ADGRF4: variants seen among roughly 807,000 people sequenced by gnomAD.
ADGRF4 encodes adhesion G protein-coupled receptor F4.
A neutral mutation model predicts 58.5 loss-of-function variants in ADGRF4; 63 were observed. The observed-to-expected ratio is 1.08, with a 90% CI of 0.88 to 1.33. The LOEUF (loss-of-function observed/expected upper bound fraction) is 1.33, where lower values mean the gene tolerates loss of function less well. ADGRF4 is among the 40% of genes most tolerant of loss of function. The probability of loss-of-function intolerance (pLI) is 0.00; values close to 1 mark genes in which losing one functional copy is unlikely to be tolerated. For synonymous variants in ADGRF4, 313 were observed against 295.4 expected, an observed-to-expected ratio of 1.06 and a Z score of -0.61; for missense variants, 931 against 843.9, an observed-to-expected ratio of 1.10 and a Z score of -1.28.
rs548771897 is a variant in ADGRF4, at chr6:47,711,010, A to G, written c.300+124A>G. On this transcript the variant is annotated intron_variant, in intron 4 of 9. Transcript: ENST00000283303. ...ATCCGCACTTAGAAAAATCTACAGA[A>G]TGGGTTAAATTTGTTTCTTGACCTT... 2.7e-5 allele frequency: 24 copies of G among 886,160 alleles called. No individual in the cohort carries two copies. In the African/African-American group the frequency reaches 3.0e-4, roughly 11 times the overall value. The allele number at this position is 886,160 out of a possible 1,614,324, so 54.9% of individuals were successfully genotyped here. A position where few individuals can be genotyped will look rare whatever the true frequency, so the allele number is the denominator to read the frequency against.
intron 4 of ADGRF4, among the ~76,000 whole-genome samples, chr6:47,711,665 A>G (rs1330970558): frequency 6.6e-6 from 1 of 152,190 alleles, no homozygotes; most frequent in Non-Finnish European, 1.5e-5. Context: ...ATCCAGTTAA[A>G]GTTAAAATCT....
intron 3 of ADGRF4, among the ~76,000 whole-genome samples, chr6:47,709,333 G>A (rs1771802832): frequency 6.6e-6 from 1 of 152,194 alleles, no homozygotes; most frequent in South Asian, 2.1e-4. Context: ...ACTAGTTTTG[G>A]TAAATAAAGT....
chr6:47,715,317 CTGTATTGAT>C lies in ADGRF4; in HGVS notation c.1932+144_1932+152del, dbSNP rs1277713937. The C allele has an allele frequency of 1.0e-5, 7 of 679,086 alleles. No individual in the cohort carries two copies. In the African/African-American group the frequency reaches 1.1e-4, roughly 10 times the overall value. The allele number at this position is 679,086 out of a possible 1,614,324, so 42.1% of individuals were successfully genotyped here. ...GGTTATTTGGCTATGGCATCTGTGACTGTATTGATTGTCAAGTTGAATTTAGCTGACCAG... is the reference window on the plus strand; with the variant it reads ...GGTTATTTGGCTATGGCATCTGTGACTGTCAAGTTGAATTTAGCTGACCAG... On this transcript the variant is annotated intron_variant, in intron 6 of 9. Coordinates refer to ENST00000283303, the MANE Select transcript of ADGRF4 (RefSeq NM_153838.5).
chr6:47,709,627 T>A (rs1054716553), intron 3 of ADGRF4, among the ~76,000 whole-genome samples: 2 of 152,250 alleles, frequency 1.3e-5, no homozygotes, highest in Non-Finnish European at 2.9e-5. Context: ...ATTTGCAGAT[T>A]CTATATTTGC....
chr6:47,718,273 T>A lies in ADGRF4; in HGVS notation c.2035-116T>A, dbSNP rs565739471. 8.3e-6 allele frequency: 6 copies of A among 719,268 alleles called. No individual in the cohort carries two copies. In the East Asian group the frequency reaches 1.2e-4, roughly 15 times the overall value. 44.6% of individuals were successfully genotyped at this position (719,268 alleles called of 1,614,324 possible). A position where few individuals can be genotyped will look rare whatever the true frequency, so the allele number is the denominator to read the frequency against. Reference sequence around the variant, plus strand: ...GATAATTTACTTCTGTGTAGCTATATCAGTGTGGGTACTCCTTTTCATGTA... The same window carrying A: ...GATAATTTACTTCTGTGTAGCTATAACAGTGTGGGTACTCCTTTTCATGTA... On this transcript the variant is annotated intron_variant, in intron 8 of 9. Coordinates refer to ENST00000283303, the MANE Select transcript of ADGRF4 (RefSeq NM_153838.5).
At chr6:47,700,559 G>A (rs1771567685) in intron 1 of ADGRF4, among the ~76,000 whole-genome samples, 1 of 152,206 alleles carries the variant, frequency 6.6e-6, no homozygotes, top group African/African-American at 2.4e-5. Context: ...GAGACAGTGT[G>A]GAAAAAGACA....
At chr6:47,704,564 T>A (rs1002059201) in intron 1 of ADGRF4, among the ~76,000 whole-genome samples, 1 of 151,954 alleles carries the variant, frequency 6.6e-6, no homozygotes. Flanking sequence ...ATCACTTTAA[T>A]GAGAGAAGTG....
Position 47,714,043 on chromosome 6 carries a change from A to C in ADGRF4, c.798A>C (p.Thr266=), listed in dbSNP as rs759581925. The C allele has an allele frequency of 1.2e-6, 2 of 1,613,220 alleles. No homozygotes were observed. Among genetic ancestry groups the C allele is most frequent in the South Asian group, 1.1e-5 (1 of 90,780 alleles). The stretch of plus-strand genomic sequence containing the variant: ...TCTCCATGAGCATGAACAATACCAC[A>C]GAAGATATCTTAGGAATGGTACAGA... The part of the protein sequence containing the change: ...LNFSMSMNNT[T]EDILGMVQIP... Residue 266 remains threonine, a synonymous_variant, in exon 6 of 10, where the codon ACA becomes ACC. Coordinates refer to ENST00000283303, the MANE Select transcript of ADGRF4 (RefSeq NM_153838.5).
intron 3 of ADGRF4, among the ~76,000 whole-genome samples, chr6:47,708,957 A>C (rs1001692155): frequency 6.6e-6 from 1 of 151,434 alleles, no homozygotes; most frequent in Non-Finnish European, 1.5e-5. Flanking sequence ...CATATTTGTA[A>C]CAACATTATG....
At chr6:47,699,372 T>C (rs1771532959) in intron 1 of ADGRF4, among the ~76,000 whole-genome samples, 1 of 150,918 alleles carries the variant, frequency 6.6e-6, no homozygotes, top group Non-Finnish European at 1.5e-5. Flanking sequence ...AGGTGCTGTT[T>C]ATTTGTTTGT....
rs572556822 is a variant in ADGRF4, at chr6:47,702,376, T to C, written c.-17+3582T>C. The stretch of plus-strand genomic sequence containing the variant: ...GAAACCCATGTGAGGACACAAGGCC[T>C]TGGTCAAATACAGTAGACACAAAAG... On this transcript the variant is annotated intron_variant, in intron 1 of 9. Coordinates refer to ENST00000283303, the MANE Select transcript of ADGRF4 (RefSeq NM_153838.5). Among the ~76,000 whole-genome samples the C allele has an allele frequency of 4.0e-4, 61 of 152,296 alleles. No individual in the cohort carries two copies. The South Asian group carries it at 0.012, about 30-fold the overall frequency.
chr6:47,719,469 G>A (rs1772107409), intron 9 of ADGRF4, among the ~76,000 whole-genome samples: 1 of 152,148 alleles, frequency 6.6e-6, no homozygotes, highest in Admixed American at 6.5e-5. Flanking sequence ...TCTGCTCGCT[G>A]CCCATTTCCT....
At chr6:47,718,614 A>T (rs1160573498) in intron 9 of ADGRF4, among the ~76,000 whole-genome samples, 169 bp downstream of exon 9, 1 of 151,862 alleles carries the variant, frequency 6.6e-6, no homozygotes, top group African/African-American at 2.4e-5. Context: ...TAGCACATAA[A>T]TGAAAATATG....
intron 1 of ADGRF4, among the ~76,000 whole-genome samples, chr6:47,702,480 C>G (rs879494218): frequency 6.6e-6 from 1 of 152,188 alleles, no homozygotes; most frequent in African/African-American, 2.4e-5. Flanking sequence ...TATATAAATG[C>G]CTTCAAGGTT....
intron 1 of ADGRF4, among the ~76,000 whole-genome samples, chr6:47,700,567 A>G (rs1160587684): frequency 6.6e-6 from 1 of 152,214 alleles, no homozygotes; most frequent in Non-Finnish European, 1.5e-5. Context: ...GTGGAAAAAG[A>G]CACATGCATT....
intron 9 of ADGRF4, among the ~76,000 whole-genome samples, chr6:47,720,652 G>A (rs570384533): frequency 5.9e-5 from 9 of 152,238 alleles, no homozygotes; most frequent in East Asian, 3.9e-4. Context: ...TTCTGTTGGC[G>A]GCCACAGCTC....
intron 3 of ADGRF4, among the ~76,000 whole-genome samples, chr6:47,708,500 G>A (rs1771779725): frequency 6.6e-6 from 1 of 152,194 alleles, no homozygotes; most frequent in Admixed American, 6.5e-5. Context: ...ATGTGCTCTA[G>A]AATAGTAGAC....
At chr6:47,715,257 A>G (rs977080198) in intron 6 of ADGRF4, 80 bp downstream of exon 6, 2 of 1,027,466 alleles carry the variant, frequency 1.9e-6, no homozygotes, top group African/African-American at 3.2e-5. Flanking sequence ...ATTATATAAC[A>G]CAAAATGTTC....
intron 3 of ADGRF4, among the ~76,000 whole-genome samples, chr6:47,709,841 G>C (rs181125774): frequency 4.0e-5 from 5 of 126,562 alleles, no homozygotes; most frequent in Admixed American, 3.9e-4. Flanking sequence ...AGTCTACGTA[G>C]CATCACAGTT....
Sources: gnomAD v4.1 joint callset for allele counts (sites outside exome capture counted in the v4.1 genomes callset) on GRCh38, gnomAD v4.1.1 for gene constraint, MANE v1.5 for transcripts, NCBI Gene and HGNC (gene_info 2026-07-23, HGNC 2026-07-21) for gene names.